USP25: variants seen among roughly 807,000 people sequenced by gnomAD.
The protein encoded by USP25 is ubiquitin carboxyl-terminal hydrolase 25.
USP25 carries 85 observed loss-of-function variants against 158.5 expected under a neutral mutation model. The observed-to-expected ratio is 0.54, with a 90% CI of 0.45 to 0.64. The LOEUF (loss-of-function observed/expected upper bound fraction) is 0.64. Among genes scored for constraint, USP25 ranks in the 30% least tolerant of loss-of-function variants. USP25 has a pLI of 0.00. For missense variants in USP25, 1,242 were observed against 1,327.3 expected (o/e 0.94, Z 1.00); for synonymous variants, 464 against 460.4 (o/e 1.01, Z -0.10).
chr21:15,795,989 C>T (rs950555160), intron 5 of USP25, among the ~76,000 whole-genome samples: 7 of 151,442 alleles, frequency 4.6e-5, no homozygotes, highest in Non-Finnish European at 5.9e-5. Context: ...CTTTCTTTTT[C>T]ACAAATTATT....
At chr21:15,832,180 A>G (rs1309116635) in intron 16 of USP25, among the ~76,000 whole-genome samples, 1 of 152,182 alleles carries the variant, frequency 6.6e-6, no homozygotes, top group Non-Finnish European at 1.5e-5. Flanking sequence ...GCCAAAAAGT[A>G]TCTCTCCTTA....
Position 15,866,378 on chromosome 21 carries a change from T to G in USP25, c.2805+34T>G, listed in dbSNP as rs768703958. 13 of 1,477,704 alleles carry G rather than the reference T, an allele frequency of 8.8e-6. No individual in the cohort carries two copies. The African/African-American group carries it at 1.3e-4, about 15-fold the overall frequency. 91.5% of individuals were successfully genotyped at this position (1,477,704 alleles called of 1,614,324 possible). A position where few individuals can be genotyped will look rare whatever the true frequency, so the allele number is the denominator to read the frequency against. On this transcript the variant is annotated intron_variant, in intron 22 of 25. Transcript: ENST00000400183. ...CTTTCTTAGAGGTTAAACTACAGAT[T>G]TAGGGATTCTGTAATTCACTGATAT...
At position 15,856,540 on chromosome 21, in the gene USP25, C is replaced by T. The variant is rs1253866508; in HGVS notation, c.2547+6668C>T. Among the ~76,000 whole-genome samples the T allele has an allele frequency of 5.3e-5, 8 of 151,928 alleles. No homozygotes were observed. In the South Asian group the frequency reaches 1.5e-3, roughly 28 times the overall value. On this transcript the variant is annotated intron_variant, in intron 20 of 25. Transcript: ENST00000400183. ...AGGCTGGAGTGCAGTGGCGCAGTCT[C>T]GGCTCACTGCAAGCTCCGCCTCCCG...
intron 1 of USP25, among the ~76,000 whole-genome samples, chr21:15,756,112 T>C (rs1429663258): frequency 6.6e-6 from 1 of 152,164 alleles, no homozygotes; most frequent in African/African-American, 2.4e-5. Context: ...AGGTGAAAAG[T>C]CTGTCTGGGT....
At chr21:15,838,851 G>A (rs889594133) in intron 17 of USP25, among the ~76,000 whole-genome samples, 1 of 152,076 alleles carries the variant, frequency 6.6e-6, no homozygotes, top group African/African-American at 2.4e-5. Flanking sequence ...TTAAAAGATT[G>A]AAGACCATAA....
chr21:15,844,240 G>T (rs1441169093), intron 18 of USP25, among the ~76,000 whole-genome samples: 4 of 152,060 alleles, frequency 2.6e-5, no homozygotes, highest in South Asian at 2.1e-4. Context: ...CTTCATAGCG[G>T]TTTTTTTCAT....
Position 15,866,297 on chromosome 21 carries a change from A to G in USP25, c.2758A>G (p.Lys920Glu), listed in dbSNP as rs767734189. ...CAACATAATGAAAGTTGCTCAAGCC[A>G]AACTGGAAATGATAAAACCTGAAGA... ...CHNIMKVAQA[K>E]LEMIKPEEVN... The change falls in exon 22 of 26, where the codon AAA becomes GAA. Residue 920 changes from lysine (K) to glutamate (E), a missense_variant. Lys to Glu is a moderately conservative substitution (Grantham distance 56, BLOSUM62 1). Around this residue, in one of 3 missense-constraint regions of USP25, gnomAD observed 608 missense variants for 605.2 expected, o/e 1.00. Transcript: ENST00000400183. The G allele has an allele frequency of 1.1e-5, 17 of 1,605,814 alleles. No homozygotes were observed. The highest frequency in any genetic ancestry group is 1.7e-4 in the Middle Eastern group (1 of 6,050).
chr21:15,874,502 A>C lies in USP25; in HGVS notation c.2985A>C (p.Ser995=). The change falls in exon 24 of 26, where the codon TCA becomes TCC. Residue 995 remains serine, a synonymous_variant. Transcript: ENST00000400183. ...GAGGACATGATGAAGAATTGATATCACATTATAGAAGAGAATGTTTGCTAG... is the reference window on the plus strand; with the variant it reads ...GAGGACATGATGAAGAATTGATATCCCATTATAGAAGAGAATGTTTGCTAG... ...LYRGHDEELI[S]HYRRECLLKL... 6.2e-7 allele frequency: 1 copy of C among 1,605,322 alleles called. No homozygotes were observed.
At chr21:15,750,386 C>T (rs754284464) in intron 1 of USP25, among the ~76,000 whole-genome samples, 19 of 151,388 alleles carry the variant, frequency 1.3e-4, no homozygotes, top group Non-Finnish European at 2.1e-4. Context: ...CATGCCACCG[C>T]GCCTGGCTAA....
intron 20 of USP25, among the ~76,000 whole-genome samples, chr21:15,853,023 A>G (rs1767594965): frequency 2.6e-5 from 4 of 152,212 alleles, no homozygotes; most frequent in Admixed American, 2.6e-4. Context: ...GTATTCAGTA[A>G]TATAGAGGTG....
chr21:15,868,716 C>T (rs1304581818), intron 22 of USP25, among the ~76,000 whole-genome samples: 1 of 152,144 alleles, frequency 6.6e-6, no homozygotes, highest in African/African-American at 2.4e-5. Flanking sequence ...GATACTTTCA[C>T]ACTGCAGTTA....
intron 10 of USP25, among the ~76,000 whole-genome samples, chr21:15,820,436 G>C (rs1001353167): frequency 5.0e-4 from 76 of 151,686 alleles, no homozygotes; most frequent in Non-Finnish European, 1.2e-4. Context: ...TAAATGTTCT[G>C]CCTAGGTTTT....
Position 15,750,214 on chromosome 21 carries a change from GTT to G in USP25, c.46-12655_46-12654del, listed in dbSNP as rs35867462. ...TGTGTGTGTGTGTGTGTGTGTGTAT[GTT>G]TTTTTTTTTTTTTTTTTTTTTCCTT... On this transcript the variant is annotated intron_variant, in intron 1 of 25. Coordinates refer to ENST00000400183, the MANE Select transcript of USP25 (RefSeq NM_001283041.3). Among the ~76,000 whole-genome samples the G allele has an allele frequency of 3.7e-3, 243 of 65,630 alleles. 3 individuals carry two copies. Among genetic ancestry groups the G allele is most frequent in the East Asian group, 0.012 (27 of 2,238 alleles). 43.1% of individuals were successfully genotyped at this position (65,630 alleles called of 152,430 possible). A position where few individuals can be genotyped will look rare whatever the true frequency, so the allele number is the denominator to read the frequency against.
chr21:15,767,975 AT>A (rs2034139348), intron 3 of USP25, among the ~76,000 whole-genome samples: 1 of 152,088 alleles, frequency 6.6e-6, no homozygotes, highest in South Asian at 2.1e-4. Context: ...ACAAAAAAAA[AT>A]TTTGAATAGG....
chr21:15,740,136 G>C (rs1201861605), intron 1 of USP25, among the ~76,000 whole-genome samples: 1 of 152,182 alleles, frequency 6.6e-6, no homozygotes, highest in Non-Finnish European at 1.5e-5. Flanking sequence ...TATCTGTAGT[G>C]CTTGCTAAAA....
intron 1 of USP25, among the ~76,000 whole-genome samples, chr21:15,755,261 C>T (rs993033398): frequency 2.6e-5 from 4 of 152,028 alleles, no homozygotes; most frequent in African/African-American, 9.7e-5. Flanking sequence ...AAACCTTTGA[C>T]TTTCTTTTCC....
intron 22 of USP25, among the ~76,000 whole-genome samples, chr21:15,867,156 A>G (rs1216167664): frequency 6.6e-6 from 1 of 152,138 alleles, no homozygotes; most frequent in Non-Finnish European, 1.5e-5. Flanking sequence ...TCTTTATTTT[A>G]ATTGATGAAT....
In USP25 at chr21:15,875,126, C is replaced by T. The variant is rs1216972388; in HGVS notation, c.3009+600C>T. 2.0e-5 allele frequency among the ~76,000 whole-genome samples: 3 copies of T among 152,148 alleles called. No individual in the cohort carries two copies. The highest frequency in any genetic ancestry group is 2.9e-5 in the Non-Finnish European group (2 of 68,012). ...AGTGGAGGTTGCCTTGAGCCAAGATCGCGCCACTGCATTCCATCCTGGCAA... is the reference window on the plus strand; with the variant it reads ...AGTGGAGGTTGCCTTGAGCCAAGATTGCGCCACTGCATTCCATCCTGGCAA... On this transcript the variant is annotated intron_variant, in intron 24 of 25. Transcript: ENST00000400183. This position sits in a 1 kb window ranked among gnomAD's most constrained non-coding sequence, Gnocchi z 4.7.
At chr21:15,797,167 T>C (rs1007139549) in intron 5 of USP25, among the ~76,000 whole-genome samples, 23 of 151,290 alleles carry the variant, frequency 1.5e-4, no homozygotes, top group Non-Finnish European at 5.9e-5. Context: ...GTACTAACAG[T>C]GTATTTGTAG....
Sources: gnomAD v4.1 joint callset for allele counts (sites outside exome capture counted in the v4.1 genomes callset) on GRCh38, gnomAD v4.1.1 for gene constraint, gnomAD v4.1.1 regional missense constraint, Gnocchi (gnomAD v3.1) non-coding constraint, MANE v1.5 for transcripts, NCBI Gene and HGNC (gene_info 2026-07-23, HGNC 2026-07-21) for gene names.